The following KCNH1 variants were observed in gnomAD, a reference collection of about 807,000 sequenced individuals.
The protein encoded by KCNH1 is voltage-gated delayed rectifier potassium channel KCNH1.
KCNH1 carries 27 observed loss-of-function variants against 69.2 expected under a neutral mutation model. That is an observed-to-expected ratio of 0.39 (90% CI 0.29 to 0.54). The LOEUF (loss-of-function observed/expected upper bound fraction) is 0.54. KCNH1 is among the 20% of genes least tolerant of loss of function. The probability of loss-of-function intolerance (pLI) is 0.68; values close to 1 mark genes in which losing one functional copy is unlikely to be tolerated. For missense variants in KCNH1, 798 were observed against 1,261.6 expected (o/e 0.63, Z 5.57); for synonymous variants, 456 against 487.7 (o/e 0.93, Z 0.86).
At chr1:211,103,437 G>A in intron 3 of KCNH1, 59 bp downstream of exon 3, 2 of 1,070,318 alleles carry the variant, frequency 1.9e-6, no homozygotes, top group Non-Finnish European at 2.8e-6. Context: ...AGAGGAAGAG[G>A]AGATATTTTA....
intron 7 of KCNH1, among the ~76,000 whole-genome samples, chr1:210,836,564 G>A (rs915833788): frequency 6.6e-6 from 1 of 152,090 alleles, no homozygotes; most frequent in African/African-American, 2.4e-5. Context: ...AAAAAAAGAG[G>A]TCTAGACTAC....
intron 10 of KCNH1, among the ~76,000 whole-genome samples, chr1:210,748,317 C>G (rs1397997003): frequency 2.0e-5 from 3 of 152,220 alleles, no homozygotes; most frequent in Non-Finnish European, 4.4e-5. Context: ...ACATCTCACA[C>G]TCAATCTGCC....
At chr1:211,000,130 C>A (rs140088806) in intron 6 of KCNH1, among the ~76,000 whole-genome samples, 18,044 of 152,170 alleles carry the variant, frequency 0.12, 1,516 homozygotes, top group Non-Finnish European at 0.19. Context: ...TCTCACCACT[C>A]CTATTCAACA....
chr1:210,812,888 A>G (rs1161507719), intron 7 of KCNH1, among the ~76,000 whole-genome samples: 1 of 152,218 alleles, frequency 6.6e-6, no homozygotes, highest in Non-Finnish European at 1.5e-5. Flanking sequence ...GGAAGGAAAG[A>G]TGGAGTCTTC....
At chr1:210,856,201 C>T (rs573607939) in intron 7 of KCNH1, among the ~76,000 whole-genome samples, 11 of 152,268 alleles carry the variant, frequency 7.2e-5, no homozygotes, top group Middle Eastern at 3.4e-3. Flanking sequence ...TCATTCGTAA[C>T]GTAAGTATCA....
chr1:210,814,370 A>C (rs1243911570), intron 7 of KCNH1, among the ~76,000 whole-genome samples: 1 of 152,222 alleles, frequency 6.6e-6, no homozygotes, highest in Non-Finnish European at 1.5e-5. Flanking sequence ...ATGCTCAATA[A>C]GTAATAATAA....
Position 210,684,128 on chromosome 1 carries a change from C to T in KCNH1, c.2123G>A (p.Arg708Gln), listed in dbSNP as rs1024089860. 2.0e-6 allele frequency: 3 copies of T among 1,507,954 alleles called. No homozygotes were observed. Among genetic ancestry groups the T allele is most frequent in the Non-Finnish European group, 8.9e-7 (1 of 1,128,904 alleles). 93.4% of individuals were successfully genotyped at this position (1,507,954 alleles called of 1,614,324 possible). A position where few individuals can be genotyped will look rare whatever the true frequency, so the allele number is the denominator to read the frequency against. Residue 708 changes from arginine to glutamine, a missense_variant, in exon 11 of 11, where the codon CGG (arginine) becomes CAG (glutamine). By Grantham distance (43) the Arg-to-Gln change is conservative. Coordinates refer to ENST00000271751, the MANE Select transcript of KCNH1 (RefSeq NM_172362.3). ...TTCACGTTTCACATCGCTGATCTTC[C>T]GGAACACAATCTGGAGAGAGAGAGA... is the stretch of plus-strand genomic sequence containing the variant. ...TYNLRKRIVF[R>Q]KISDVKREEE...
rs773587382 is a variant in KCNH1, at chr1:211,018,988, G to GA, written c.826_827insT (p.Pro276LeufsTer8). ...GGGGTCAGAAATCACCTCCCCTGCTGGTCCAACAAAGGTGGTATGAAAATT... is the reference window on the plus strand; with the variant it reads ...GGGGTCAGAAATCACCTCCCCTGCTGAGTCCAACAAAGGTGGTATGAAAATT... On this transcript the variant is annotated frameshift_variant, in exon 6 of 11. Coordinates refer to ENST00000271751, the MANE Select transcript of KCNH1 (RefSeq NM_172362.3). LOFTEE classifies it high-confidence loss of function. 6.2e-7 allele frequency: 1 copy of GA among 1,614,014 alleles called. No individual in the cohort carries two copies. The highest frequency in any genetic ancestry group is 1.1e-5 in the South Asian group (1 of 91,068).
chr1:211,088,247 A>G (rs1044337934), intron 4 of KCNH1, among the ~76,000 whole-genome samples: 3 of 152,174 alleles, frequency 2.0e-5, no homozygotes, highest in African/African-American at 7.2e-5. Context: ...TGAATTCTAA[A>G]CAAGCCTAAG....
chr1:210,824,175 G>T (rs1348734147), intron 7 of KCNH1, among the ~76,000 whole-genome samples: 1 of 151,800 alleles, frequency 6.6e-6, no homozygotes, highest in African/African-American at 2.4e-5. Flanking sequence ...CCTTAAATCT[G>T]GGTTCCAAAT....
chr1:210,689,196 C>A (rs1219205498), intron 10 of KCNH1, among the ~76,000 whole-genome samples: 2 of 152,218 alleles, frequency 1.3e-5, no homozygotes, highest in Admixed American at 6.5e-5. Flanking sequence ...CCTTAAGCTA[C>A]AGGGATTTCT....
chr1:210,836,191 C>A (rs1242405104), intron 7 of KCNH1, among the ~76,000 whole-genome samples: 1 of 151,382 alleles, frequency 6.6e-6, no homozygotes, highest in East Asian at 1.9e-4. Flanking sequence ...ATTTTGAAAG[C>A]CTCTGAGCTA....
intron 1 of KCNH1, among the ~76,000 whole-genome samples, chr1:211,110,439 CAACATTATCAATA>C (rs1476821274): frequency 6.6e-6 from 1 of 151,848 alleles, no homozygotes; most frequent in Non-Finnish European, 1.5e-5. Flanking sequence ...TCATTTAGAA[CAACATTATCAATA>C]AAGGTATGGC....
chr1:210,711,705 C>T (rs756079080), intron 10 of KCNH1, among the ~76,000 whole-genome samples: 7 of 152,300 alleles, frequency 4.6e-5, no homozygotes, highest in East Asian at 1.9e-4. Flanking sequence ...ACCCCTCAAG[C>T]GCTATGGTCA....
intron 6 of KCNH1, among the ~76,000 whole-genome samples, chr1:210,965,365 C>A (rs1688378972): frequency 6.6e-6 from 1 of 152,012 alleles, no homozygotes. Flanking sequence ...TCATCTCAGC[C>A]CAAAATCTCC....
chr1:210,703,952 T>C lies in KCNH1; in HGVS notation c.2113-19814A>G, dbSNP rs113475463. Reference sequence around the variant, plus strand: ...GTCAGTATTCAAAGATGGTGCTCCATGATAAAGTGCAGCGTGCACCCCCAT... The same window carrying C: ...GTCAGTATTCAAAGATGGTGCTCCACGATAAAGTGCAGCGTGCACCCCCAT... On this transcript the variant is annotated intron_variant, in intron 10 of 10. Transcript: ENST00000271751. Among the ~76,000 whole-genome samples, 792 of 152,278 alleles carry C rather than the reference T, an allele frequency of 5.2e-3. 3 individuals carry two copies. Among genetic ancestry groups the C allele is most frequent in the Non-Finnish European group, 8.6e-3 (586 of 68,020 alleles).
rs182473338 is a variant in KCNH1, at chr1:211,082,736, C to A, written c.558+44G>T. ...TGTGCCATTGCCTCAGCCCATGCAC[C>A]CCCTAAAAGTGAGGCTCAAGATGAG... is the stretch of plus-strand genomic sequence containing the variant. On this transcript the variant is annotated intron_variant, in intron 5 of 10. Coordinates refer to ENST00000271751, the MANE Select transcript of KCNH1 (RefSeq NM_172362.3). 3.5e-5 allele frequency: 52 copies of A among 1,475,338 alleles called. No individual in the cohort carries two copies. In the East Asian group the frequency reaches 7.9e-4, roughly 22 times the overall value. 91.4% of individuals were successfully genotyped at this position (1,475,338 alleles called of 1,614,324 possible). A position where few individuals can be genotyped will look rare whatever the true frequency, so the allele number is the denominator to read the frequency against.
intron 7 of KCNH1, among the ~76,000 whole-genome samples, chr1:210,808,635 G>C (rs1390879554): frequency 1.3e-5 from 2 of 151,858 alleles, no homozygotes; most frequent in Non-Finnish European, 2.9e-5. Context: ...GCCTCAAGCA[G>C]TCCTCCCACC....
chr1:211,045,041 G>GATATATATATAT (rs71134652), intron 5 of KCNH1, among the ~76,000 whole-genome samples: 4,970 of 81,650 alleles, frequency 0.061, 566 homozygotes, highest in South Asian at 0.13. Context: ...AATTGTGGGG[G>GATATATATATAT]ATATATATAT....
Sources: allele counts gnomAD v4.1 joint callset (sites outside exome capture counted in the v4.1 genomes callset), GRCh38; gene constraint gnomAD v4.1.1; transcripts MANE v1.5; gene names NCBI Gene and HGNC (gene_info 2026-07-23, HGNC 2026-07-21).